Variants in AASDH observed in about 807,000 individuals in gnomAD.
AASDH encodes aminoadipate-semialdehyde dehydrogenase.
A neutral mutation model predicts 102.3 loss-of-function variants in AASDH; 81 were observed. The ratio of observed to expected loss-of-function variants is 0.79; its 90% CI spans 0.66 to 0.95. The LOEUF (loss-of-function observed/expected upper bound fraction) is 0.95, where lower values mean the gene tolerates loss of function less well. AASDH is among the 40% of genes least tolerant of loss of function. AASDH has a pLI of 0.00. For missense variants in AASDH, 1,203 were observed against 1,266.2 expected (o/e 0.95, Z 0.76); for synonymous variants, 398 against 454.0 (o/e 0.88, Z 1.57).
chr4:56,350,487 AAAAT>A (rs1424619809), intron 10 of AASDH, among the ~76,000 whole-genome samples: 1 of 151,512 alleles, frequency 6.6e-6, no homozygotes. Context: ...TTAGAAATAT[AAAAT>A]AAATACTTTT....
chr4:56,345,930 C>T (rs1190698096), intron 11 of AASDH, among the ~76,000 whole-genome samples: 1 of 152,196 alleles, frequency 6.6e-6, no homozygotes, highest in African/African-American at 2.4e-5. Flanking sequence ...GACTAAATTA[C>T]TGGGGAAAAA....
intron 1 of AASDH, among the ~76,000 whole-genome samples, chr4:56,386,637 CA>C (rs1408423384): frequency 6.7e-6 from 1 of 148,256 alleles, no homozygotes; most frequent in Admixed American, 6.7e-5. Context: ...ACTAAAAATA[CA>C]AAAAATTAGC....
rs1748820054 is a variant in AASDH at position 56,350,016 on chromosome 4, C to T, written c.1735G>A (p.Glu579Lys). Residue 579 changes from glutamate to lysine, a missense_variant, in exon 11 of 15, where the codon GAG becomes AAG. By Grantham distance (56) the Glu-to-Lys change is moderately conservative (BLOSUM62 1). Transcript: ENST00000205214. ...LPEDLLRVPD[E>K]SLFLNSGGDS... ...CCACCACTATTTAAGAAGAGTGACT[C>T]ATCAGGAACCCTCAAAAGATCTTCT... 1 of 1,604,608 alleles carries T rather than the reference C, an allele frequency of 6.2e-7. No individual in the cohort carries two copies. Among genetic ancestry groups the T allele is most frequent in the Non-Finnish European group, 8.5e-7 (1 of 1,178,968 alleles).
rs183686598 is a variant in AASDH, at chr4:56,355,226, C to G, written c.1059G>C (p.Ala353=). 1.2e-6 allele frequency: 2 copies of G among 1,613,998 alleles called. No individual in the cohort carries two copies. Among genetic ancestry groups the G allele is most frequent in the South Asian group, 1.1e-5 (1 of 91,064 alleles). The change falls in exon 6 of 15, where the codon GCG becomes GCC. Residue 353 remains alanine (A), a synonymous_variant. Coordinates refer to ENST00000205214, the MANE Select transcript of AASDH (RefSeq NM_181806.4). ...VYGITEVSSW[A]TIYRIPEKTL... ...TCTTCTCTGGAATCCTATAAATGGT[C>G]GCCCAACTTGATACCTCTGTGATAC... is the stretch of plus-strand genomic sequence containing the variant.
At chr4:56,355,593 G>GTTTTTTTTTTTTTT (rs149149581) in intron 5 of AASDH, among the ~76,000 whole-genome samples, 170 bp from the exon 6 acceptor site, 6 of 91,870 alleles carry the variant, frequency 6.5e-5, no homozygotes, top group Admixed American at 1.4e-4. Context: ...TTATCTTCTT[G>GTTTTTTTTTTTTTT]TTTTTTTTTT....
intron 3 of AASDH, among the ~76,000 whole-genome samples, chr4:56,381,248 A>C (rs956423186): frequency 9.2e-5 from 14 of 152,214 alleles, no homozygotes; most frequent in Non-Finnish European, 1.5e-4. Flanking sequence ...AATTTCGGCT[A>C]CACACTAATA....
At chr4:56,365,031 A>G (rs572591000) in intron 5 of AASDH, among the ~76,000 whole-genome samples, 25 of 152,334 alleles carry the variant, frequency 1.6e-4, no homozygotes, top group African/African-American at 5.5e-4. Context: ...AAGATCTACC[A>G]AGCAAATGGA....
At chr4:56,352,062 A>C (rs1749084711) in intron 9 of AASDH, among the ~76,000 whole-genome samples, 1 of 152,202 alleles carries the variant, frequency 6.6e-6, no homozygotes, top group African/African-American at 2.4e-5. Context: ...TGAAATTGGG[A>C]AGGCAATATA....
intron 6 of AASDH, 33 bp downstream of exon 6, chr4:56,355,149 C>T (rs373416911): frequency 2.3e-5 from 37 of 1,591,568 alleles, no homozygotes; most frequent in Non-Finnish European, 3.1e-5. Flanking sequence ...TATACAGTCT[C>T]TCTTCTCTAT....
chr4:56,380,545 C>G (rs1230705301), intron 3 of AASDH, among the ~76,000 whole-genome samples: 1 of 152,086 alleles, frequency 6.6e-6, no homozygotes, highest in African/African-American at 2.4e-5. Flanking sequence ...TCAAAACCAT[C>G]CCTCCCCATT....
intron 5 of AASDH, among the ~76,000 whole-genome samples, chr4:56,370,304 C>A (rs1751535319): frequency 6.6e-6 from 1 of 151,328 alleles, no homozygotes; most frequent in South Asian, 2.1e-4. Context: ...CAGAGTGAGC[C>A]AAGATCACGC....
chr4:56,378,370 G>C lies in AASDH; in HGVS notation c.446C>G (p.Thr149Ser). 1 of 1,613,704 alleles carries C rather than the reference G, an allele frequency of 6.2e-7. No homozygotes were observed. Among genetic ancestry groups the C allele is most frequent in the Non-Finnish European group, 8.5e-7 (1 of 1,179,794 alleles). The change falls in exon 4 of 15, where the codon ACT becomes AGT. Residue 149 changes from threonine to serine, a missense_variant. Physicochemically the swap from Thr to Ser is moderately conservative, Grantham distance 58. Coordinates refer to ENST00000205214, the MANE Select transcript of AASDH (RefSeq NM_181806.4). Reference protein sequence around the residue: ...LVLFRLHWKNTEVNLMLNDGK... With the variant: ...LVLFRLHWKNSEVNLMLNDGK... ...ATCATTTAGCATCAAGTTCACCTCA[G>C]TATTTTTCCAGTGAAGTCTGAAGAG...
intron 4 of AASDH, among the ~76,000 whole-genome samples, chr4:56,376,274 C>T (rs957708178): frequency 6.6e-6 from 1 of 152,138 alleles, no homozygotes; most frequent in Non-Finnish European, 1.5e-5. Flanking sequence ...GATCCTCCTG[C>T]CTTAGCCTCC....
chr4:56,367,470 T>A (rs9685611), intron 5 of AASDH, among the ~76,000 whole-genome samples: 1 of 76,530 alleles, frequency 1.3e-5, no homozygotes, highest in African/African-American at 4.6e-5. Flanking sequence ...TCAAACTATA[T>A]GACAAGGCTA....
At chr4:56,383,091 ATCTTT>A in intron 2 of AASDH, among the ~76,000 whole-genome samples, 1 of 152,328 alleles carries the variant, frequency 6.6e-6, no homozygotes, top group African/African-American at 2.4e-5. Context: ...CTGTCATTTT[ATCTTT>A]TCTTAATGAA....
rs182066944 is a variant in AASDH, at chr4:56,359,662, G to A, written c.862-4239C>T. On this transcript the variant is annotated intron_variant, in intron 5 of 14. Coordinates refer to ENST00000205214, the MANE Select transcript of AASDH (RefSeq NM_181806.4). ...CAATCGCCACCCCCCAGGTTCAAGCGATTCTCCTGCCTCAGCCTCCTCAGT... is the reference window on the plus strand; with the variant it reads ...CAATCGCCACCCCCCAGGTTCAAGCAATTCTCCTGCCTCAGCCTCCTCAGT... Among the ~76,000 whole-genome samples the A allele has an allele frequency of 4.3e-4, 65 of 151,724 alleles. 1 individual carries two copies. In the East Asian group the frequency reaches 0.01, roughly 24 times the overall value.
At chr4:56,347,393 A>C (rs968748278) in intron 11 of AASDH, among the ~76,000 whole-genome samples, 1 of 152,220 alleles carries the variant, frequency 6.6e-6, no homozygotes, top group Non-Finnish European at 1.5e-5. Flanking sequence ...AAGTAGGGAA[A>C]GCTATTCCTA....
Position 56,378,226 on chromosome 4 carries a change from T to C in AASDH, c.590A>G (p.His197Arg), listed in dbSNP as rs146080836. Residue 197 changes from histidine to arginine, a missense_variant, in exon 4 of 15, where the codon CAT becomes CGT. By Grantham distance (29) the His-to-Arg change is conservative. Coordinates refer to ENST00000205214, the MANE Select transcript of AASDH (RefSeq NM_181806.4). ...RLKHCLAYVL[H>R]TSGTTGIPKI... ...CGGTATCCCTGTAGTCCCTGATGTA[T>C]GTAGAACATAGGCTAAGCAATGCTT... The C allele has an allele frequency of 5.0e-6, 8 of 1,614,112 alleles. No individual in the cohort carries two copies. Among genetic ancestry groups the C allele is most frequent in the African/African-American group, 1.3e-5 (1 of 74,944 alleles).
At chr4:56,361,652 C>T (rs1275740947) in intron 5 of AASDH, among the ~76,000 whole-genome samples, 1 of 152,092 alleles carries the variant, frequency 6.6e-6, no homozygotes, top group Non-Finnish European at 1.5e-5. Context: ...TCCTAGGTAT[C>T]AACCTAATAT....
Sources: gnomAD v4.1 joint callset for allele counts (sites outside exome capture counted in the v4.1 genomes callset) on GRCh38, gnomAD v4.1.1 for gene constraint, MANE v1.5 for transcripts, NCBI Gene and HGNC (gene_info 2026-07-23, HGNC 2026-07-21) for gene names.